Variants in EPB41L5 observed in about 807,000 individuals in gnomAD.
EPB41L5 encodes the protein erythrocyte membrane protein band 4.1 like 5, also known as band 4.1-like protein 5.
EPB41L5 carries 55 observed loss-of-function variants against 106.6 expected under a neutral mutation model. The ratio of observed to expected loss-of-function variants is 0.52; its 90% CI spans 0.42 to 0.65. The LOEUF (loss-of-function observed/expected upper bound fraction) is 0.65, where lower values mean the gene tolerates loss of function less well. Among genes scored for constraint, EPB41L5 ranks in the 30% least tolerant of loss-of-function variants. EPB41L5 has a pLI of 0.00. For missense variants in EPB41L5, 871 were observed against 882.1 expected (o/e 0.99, Z 0.16); for synonymous variants, 297 against 306.7 (o/e 0.97, Z 0.33).
At chr2:120,045,950 T>C (rs957641664) in intron 3 of EPB41L5, among the ~76,000 whole-genome samples, 2 of 152,170 alleles carry the variant, frequency 1.3e-5, no homozygotes, top group Non-Finnish European at 2.9e-5. Context: ...AGAATGATGG[T>C]TTCCTGCTTC....
At chr2:120,041,937 C>T in intron 2 of EPB41L5, 69 bp from the exon 3 acceptor site, 1 of 1,187,540 alleles carries the variant, frequency 8.4e-7, no homozygotes, top group Non-Finnish European at 1.2e-6. Context: ...ATAACTAAAA[C>T]CTTCTTTTGT....
chr2:120,029,534 T>A (rs13421572), intron 2 of EPB41L5, among the ~76,000 whole-genome samples: 1,570 of 152,248 alleles, frequency 0.01, 22 homozygotes, highest in African/African-American at 0.036. Context: ...AGAAATACCT[T>A]CTGCTGAGAA....
rs998702185 is a variant in EPB41L5 at position 120,013,105 on chromosome 2, C to G, written c.-114C>G. Reference sequence around the variant, plus strand: ...CTCCGGGGATTAGAGCCGGTGGGCTCGTTGTGGGCGCCATTTCTCGGCGTC... The same window carrying G: ...CTCCGGGGATTAGAGCCGGTGGGCTGGTTGTGGGCGCCATTTCTCGGCGTC... On this transcript the variant is annotated 5_prime_UTR_variant, in exon 1 of 25. Coordinates refer to ENST00000263713, the MANE Select transcript of EPB41L5 (RefSeq NM_020909.4). 6 of 152,220 alleles carry G rather than the reference C, an allele frequency of 3.9e-5. No homozygotes were observed. The highest frequency in any genetic ancestry group is 7.3e-5 in the Non-Finnish European group (5 of 68,058). 9.4% of individuals were successfully genotyped at this position (152,220 alleles called of 1,614,324 possible). A position where few individuals can be genotyped will look rare whatever the true frequency, so the allele number is the denominator to read the frequency against.
chr2:120,112,368 C>T (rs1000568168), intron 16 of EPB41L5, among the ~76,000 whole-genome samples: 2 of 152,160 alleles, frequency 1.3e-5, no homozygotes, highest in African/African-American at 2.4e-5. Context: ...TATCCTCAGA[C>T]ACTCCATATA....
In EPB41L5 at chr2:120,053,491, G is replaced by C. The variant is rs542624863; in HGVS notation, c.285+11381G>C. The stretch of plus-strand genomic sequence containing the variant: ...AAAGAAACCCTCTTACACGTTACCA[G>C]TCATTTCCCATTTACCCCTCCCCAC... On this transcript the variant is annotated intron_variant, in intron 3 of 24. Transcript: ENST00000263713. Among the ~76,000 whole-genome samples the C allele has an allele frequency of 3.3e-5, 5 of 152,198 alleles. No individual in the cohort carries two copies. In the South Asian group the frequency reaches 1.0e-3, roughly 32 times the overall value.
chr2:120,173,486 C>G (rs1396431166), intron 24 of EPB41L5, among the ~76,000 whole-genome samples: 1 of 152,118 alleles, frequency 6.6e-6, no homozygotes, highest in East Asian at 1.9e-4. Context: ...CTCCCAAATT[C>G]TAGAGACCCC....
At chr2:120,163,789 C>G (rs1687251989) in intron 21 of EPB41L5, among the ~76,000 whole-genome samples, 1 of 150,068 alleles carries the variant, frequency 6.7e-6, no homozygotes, top group Non-Finnish European at 1.5e-5. Flanking sequence ...GACCCTGTCT[C>G]TATAAAAAAA....
At chr2:120,051,645 G>A (rs770427299) in intron 3 of EPB41L5, among the ~76,000 whole-genome samples, 9 of 152,200 alleles carry the variant, frequency 5.9e-5, no homozygotes, top group African/African-American at 1.7e-4. Context: ...TGCGCTTCCC[G>A]GGTGAGGCGA....
intron 2 of EPB41L5, among the ~76,000 whole-genome samples, chr2:120,031,542 T>C (rs1462318066): frequency 1.3e-5 from 2 of 152,218 alleles, no homozygotes; most frequent in Non-Finnish European, 2.9e-5. Context: ...CACTTTCCTG[T>C]TTCCAGTTTG....
At chr2:120,058,035 G>C (rs1680777485) in intron 3 of EPB41L5, among the ~76,000 whole-genome samples, 1 of 152,040 alleles carries the variant, frequency 6.6e-6, no homozygotes, top group Admixed American at 6.5e-5. Flanking sequence ...ACATGGACCA[G>C]GCAGGAGAGC....
chr2:120,073,285 C>G (rs1268449570), intron 4 of EPB41L5, 65 bp downstream of exon 4: 54 of 1,303,158 alleles, frequency 4.1e-5, no homozygotes, highest in Non-Finnish European at 8.6e-6. Context: ...ATTCTGATTT[C>G]TAATAGGATG....
intron 3 of EPB41L5, among the ~76,000 whole-genome samples, chr2:120,048,812 TTA>T (rs1680010605): frequency 6.6e-6 from 1 of 151,592 alleles, no homozygotes; most frequent in Admixed American, 6.6e-5. Flanking sequence ...TTCCTCTACT[TTA>T]TAGCTCTGGG....
intron 20 of EPB41L5, chr2:120,160,469 G>T (rs977154372): frequency 6.3e-6 from 1 of 158,258 alleles, no homozygotes; most frequent in African/African-American, 2.4e-5. Context: ...AGAATGAGAG[G>T]CAGATGTCTT....
intron 2 of EPB41L5, among the ~76,000 whole-genome samples, chr2:120,040,468 C>T (rs551718935): frequency 6.6e-6 from 1 of 152,300 alleles, no homozygotes; most frequent in African/African-American, 2.4e-5. Context: ...ATCCAACTGT[C>T]ATTCGAGTGA....
intron 16 of EPB41L5, chr2:120,108,339 G>A (rs1197405771): frequency 6.6e-6 from 1 of 152,004 alleles, no homozygotes; most frequent in Non-Finnish European, 1.5e-5. Context: ...AGGTTTGACA[G>A]CTGTAGCTCA....
At chr2:120,139,663 A>C (rs185377539) in intron 18 of EPB41L5, among the ~76,000 whole-genome samples, 62 of 152,218 alleles carry the variant, frequency 4.1e-4, no homozygotes, top group African/African-American at 1.4e-3. Context: ...GCTTTTATCC[A>C]AAAGACAGGC....
At position 120,176,810 on chromosome 2, in the gene EPB41L5, G is replaced by C. The variant is rs1032116834; in HGVS notation, c.*1903G>C. ...GCAGCTGAGGCATTATGCCTTGGAA[G>C]ACCTAAATCTCCCATCCAGTTCAGG... On this transcript the variant is annotated 3_prime_UTR_variant, in exon 25 of 25. Transcript: ENST00000263713. The C allele has an allele frequency of 6.6e-6, 1 of 152,192 alleles. No homozygotes were observed. The highest frequency in any genetic ancestry group is 1.5e-5 in the Non-Finnish European group (1 of 68,038). 9.4% of individuals were successfully genotyped at this position (152,192 alleles called of 1,614,324 possible).
At chr2:120,095,252 C>A (rs1389026824) in intron 14 of EPB41L5, among the ~76,000 whole-genome samples, 1 of 152,056 alleles carries the variant, frequency 6.6e-6, no homozygotes, top group Non-Finnish European at 1.5e-5. Flanking sequence ...TGGACTGTTC[C>A]TTTTTATCTC....
intron 3 of EPB41L5, among the ~76,000 whole-genome samples, chr2:120,061,261 C>T (rs1681048592): frequency 7.2e-6 from 1 of 139,584 alleles, no homozygotes; most frequent in South Asian, 2.3e-4. Context: ...CTCGCTCTGT[C>T]GCCCAGGCTG....
Sources: gnomAD v4.1 joint callset for allele counts (sites outside exome capture counted in the v4.1 genomes callset) on GRCh38, gnomAD v4.1.1 for gene constraint, MANE v1.5 for transcripts, NCBI Gene and HGNC (gene_info 2026-07-23, HGNC 2026-07-21) for gene names.